The following CLTC variants were observed in gnomAD, a reference collection of about 807,000 sequenced individuals.
CLTC encodes the protein clathrin heavy chain.
A neutral mutation model predicts 195.8 loss-of-function variants in CLTC; 16 were observed. The observed-to-expected ratio is 0.08, with a 90% CI of 0.06 to 0.12. The LOEUF (loss-of-function observed/expected upper bound fraction) is 0.12. CLTC is among the 10% of genes least tolerant of loss of function. The probability of loss-of-function intolerance (pLI) is 1.00; values close to 1 mark genes in which losing one functional copy is unlikely to be tolerated. For synonymous variants in CLTC, 667 were observed against 689.4 expected (o/e 0.97, Z 0.51); for missense variants, 796 against 2,027.0 (o/e 0.39, Z 11.66).
Position 59,682,816 on chromosome 17 carries a change from T to C in CLTC, c.3765+23T>C. ...GAGGTAATCTAAACCCAAGTTTGAG[T>C]GAAGAATTAAAGAAACGCTATTTAA... is the stretch of plus-strand genomic sequence containing the variant. On this transcript the variant is annotated intron_variant, in intron 23 of 31. Transcript: ENST00000269122. The surrounding 1 kb of genome is among the most constrained non-coding windows in gnomAD (Gnocchi z 6.8). 6.2e-7 allele frequency: 1 copy of C among 1,611,728 alleles called. No individual in the cohort carries two copies. The highest frequency in any genetic ancestry group is 8.5e-7 in the Non-Finnish European group (1 of 1,178,584).
Position 59,677,155 on chromosome 17 carries a change from T to C in CLTC, c.2763T>C (p.Tyr921=), listed in dbSNP as rs753155715. ...ATCCACATCTGGCCTGTGTTGCTTA[T>C]GAACGTGGCCAATGTGATCTGGAAC... is the stretch of plus-strand genomic sequence containing the variant. ...KRDPHLACVA[Y]ERGQCDLELI... The change falls in exon 17 of 32, where the codon TAT becomes TAC. Residue 921 remains tyrosine (Y), a synonymous_variant. Coordinates refer to ENST00000269122, the MANE Select transcript of CLTC (RefSeq NM_004859.4). 2.1e-5 allele frequency: 34 copies of C among 1,613,938 alleles called. No homozygotes were observed. The highest frequency in any genetic ancestry group is 2.7e-5 in the Non-Finnish European group (32 of 1,179,918).
At chr17:59,644,202 G>A (rs773405474) in intron 1 of CLTC, 74 bp from the exon 2 acceptor site, 16 of 1,139,290 alleles carry the variant, frequency 1.4e-5, no homozygotes, top group Non-Finnish European at 2.1e-5. Flanking sequence ...GTGAGGATTT[G>A]TGTTGATGAG....
chr17:59,661,622 G>A lies in CLTC; in HGVS notation c.1347G>A (p.Glu449=). The change falls in exon 8 of 32, where the codon GAG becomes GAA. Residue 449 remains glutamate, a synonymous_variant. Transcript: ENST00000269122. ...AGCAAGGGCGAAAACAGCTTTTGGAGAAATGGTTAAAAGAAGATAAGGTAC... is the reference window on the plus strand; with the variant it reads ...AGCAAGGGCGAAAACAGCTTTTGGAAAAATGGTTAAAAGAAGATAAGGTAC... ...VLQQGRKQLL[E]KWLKEDKLEC... The A allele has an allele frequency of 6.2e-7, 1 of 1,614,014 alleles. No homozygotes were observed. Among genetic ancestry groups the A allele is most frequent in the African/African-American group, 1.3e-5 (1 of 75,004 alleles).
chr17:59,631,868 G>C (rs2031727714), intron 1 of CLTC, among the ~76,000 whole-genome samples: 1 of 151,916 alleles, frequency 6.6e-6, no homozygotes, highest in East Asian at 1.9e-4. Flanking sequence ...TACTTGGGAG[G>C]CTGAGGTGGA....
chr17:59,681,715 G>T lies in CLTC; in HGVS notation c.3318G>T (p.Ala1106=), dbSNP rs141347684. 6.2e-7 allele frequency: 1 copy of T among 1,614,032 alleles called. No homozygotes were observed. Among genetic ancestry groups the T allele is most frequent in the East Asian group, 2.2e-5 (1 of 44,874 alleles). ...TTGCTGAACGTTGCAATGAACCTGC[G>T]GTCTGGAGTCAACTTGCAAAAGCCC... is the stretch of plus-strand genomic sequence containing the variant. The part of the protein sequence containing the change: ...YEFAERCNEP[A]VWSQLAKAQL... Residue 1106 remains alanine, a synonymous_variant, in exon 21 of 32, where the codon GCG becomes GCT. Transcript: ENST00000269122. This position sits in a 1 kb window ranked among gnomAD's most constrained non-coding sequence, Gnocchi z 5.0.
intron 1 of CLTC, 39 bp from the exon 2 acceptor site, chr17:59,644,237 A>T (rs1218605838): frequency 1.3e-6 from 2 of 1,555,838 alleles, no homozygotes; most frequent in South Asian, 2.3e-5. Context: ...AAGTCTTTGG[A>T]ATCCACTTGG....
rs1555605498 is a variant in CLTC at position 59,666,932 on chromosome 17, A to G, written c.2083A>G (p.Thr695Ala). 2.5e-6 allele frequency: 4 copies of G among 1,613,846 alleles called. No individual in the cohort carries two copies. Among genetic ancestry groups the G allele is most frequent in the Middle Eastern group, 1.6e-4 (1 of 6,062 alleles). ...VASKYHEQLS[T>A]QSLIELFESF... ...TTCTAAATATCATGAACAACTGTCA[A>G]CTCAGTCTCTGATTGAACTTTTTGA... is the stretch of plus-strand genomic sequence containing the variant. Residue 695 changes from threonine to alanine, a missense_variant, in exon 13 of 32, where the codon ACT (threonine) becomes GCT (alanine). By Grantham distance (58) the Thr-to-Ala change is moderately conservative (BLOSUM62 0). Coordinates refer to ENST00000269122, the MANE Select transcript of CLTC (RefSeq NM_004859.4). The surrounding 1 kb of genome is among the most constrained non-coding windows in gnomAD (Gnocchi z 4.9).
chr17:59,676,800 C>G (rs1159050839), intron 16 of CLTC, among the ~76,000 whole-genome samples, 154 bp from the exon 17 acceptor site: 1 of 152,130 alleles, frequency 6.6e-6, no homozygotes, highest in Non-Finnish European at 1.5e-5. Context: ...AGCCACTGCA[C>G]TTCAGCCTGG....
At chr17:59,678,204 T>C (rs1465735226) in intron 17 of CLTC, among the ~76,000 whole-genome samples, 1 of 152,244 alleles carries the variant, frequency 6.6e-6, no homozygotes, top group Non-Finnish European at 1.5e-5. Flanking sequence ...CTTGGTATTA[T>C]ATCCGGAAGC....
At chr17:59,638,754 T>C (rs2031944268) in intron 1 of CLTC, among the ~76,000 whole-genome samples, 1 of 152,196 alleles carries the variant, frequency 6.6e-6, no homozygotes, top group South Asian at 2.1e-4. Context: ...TGACTGCTCA[T>C]TGGCTGCTCA....
intron 1 of CLTC, among the ~76,000 whole-genome samples, chr17:59,628,808 G>A (rs568739514): frequency 1.3e-5 from 2 of 152,202 alleles, no homozygotes; most frequent in African/African-American, 4.8e-5. Flanking sequence ...ACAGGGGCCC[G>A]CCACCAGGCC....
rs941459605 is a variant in CLTC, at chr17:59,648,176, T to C, written c.520-64T>C. On this transcript the variant is annotated intron_variant, in intron 3 of 31. Coordinates refer to ENST00000269122, the MANE Select transcript of CLTC (RefSeq NM_004859.4). This position sits in a 1 kb window ranked among gnomAD's most constrained non-coding sequence, Gnocchi z 4.5. ...CAAAGCATTCTAATTATTTCATTAC[T>C]TGATGAATCTGAGAGTTTTTGATTT... 91 of 1,382,540 alleles carry C rather than the reference T, an allele frequency of 6.6e-5. 2 individuals carry two copies. In the East Asian group the frequency reaches 2.1e-3, roughly 32 times the overall value. 85.6% of individuals were successfully genotyped at this position (1,382,540 alleles called of 1,614,324 possible). A position where few individuals can be genotyped will look rare whatever the true frequency, so the allele number is the denominator to read the frequency against.
rs1436067255 is a variant in CLTC, at chr17:59,620,108, G to A, written c.-24G>A. On this transcript the variant is annotated 5_prime_UTR_variant, in exon 1 of 32. Coordinates refer to ENST00000269122, the MANE Select transcript of CLTC (RefSeq NM_004859.4). Reference sequence around the variant, plus strand: ...TGCCCCGCAGCCCCAGTGACAGGAGGAGACCATAACCCCCGACAGCGCCAT... The same window carrying A: ...TGCCCCGCAGCCCCAGTGACAGGAGAAGACCATAACCCCCGACAGCGCCAT... 4 of 1,613,904 alleles carry A rather than the reference G, an allele frequency of 2.5e-6. No homozygotes were observed. Among genetic ancestry groups the A allele is most frequent in the Non-Finnish European group, 3.4e-6 (4 of 1,179,914 alleles).
chr17:59,634,903 C>T (rs1567931641), intron 1 of CLTC, among the ~76,000 whole-genome samples: 2 of 152,160 alleles, frequency 1.3e-5, no homozygotes, highest in Admixed American at 1.3e-4. Context: ...TGACTGCTGT[C>T]AGCATCTTTT....
intron 18 of CLTC, among the ~76,000 whole-genome samples, chr17:59,680,068 A>G (rs1436846508): frequency 1.3e-5 from 2 of 152,092 alleles, no homozygotes; most frequent in East Asian, 1.9e-4. Context: ...AGAAAAAAGA[A>G]AAAGAAAATA....
intron 14 of CLTC, among the ~76,000 whole-genome samples, 200 bp from the exon 15 acceptor site, chr17:59,673,447 T>C (rs961102294): frequency 3.9e-5 from 6 of 152,182 alleles, no homozygotes; most frequent in African/African-American, 1.4e-4. Context: ...TATCTTGCTG[T>C]GTGAATCTAA....
chr17:59,651,387 AT>A, intron 5 of CLTC, 71 bp downstream of exon 5: 2 of 984,808 alleles, frequency 2.0e-6, no homozygotes, highest in Admixed American at 4.1e-5. Flanking sequence ...AAGACTATTC[AT>A]GGTAGATATA....
intron 1 of CLTC, among the ~76,000 whole-genome samples, chr17:59,629,789 G>A (rs2031658612): frequency 6.6e-6 from 1 of 151,982 alleles, no homozygotes; most frequent in African/African-American, 2.4e-5. Flanking sequence ...AAAGTGCTGG[G>A]ATTACAGGCA....
chr17:59,685,533 C>A lies in CLTC; in HGVS notation c.4606-54C>A. On this transcript the variant is annotated intron_variant, in intron 29 of 31. Coordinates refer to ENST00000269122, the MANE Select transcript of CLTC (RefSeq NM_004859.4). This position sits in a 1 kb window ranked among gnomAD's most constrained non-coding sequence, Gnocchi z 5.0. ...AGTTTCCATTGTTTTTCTTGGTTTA[C>A]TAGTTCAGTATGTGGGGTCTAATGT... The A allele has an allele frequency of 7.1e-7, 1 of 1,417,408 alleles. No individual in the cohort carries two copies. The allele number at this position is 1,417,408 out of a possible 1,614,324, so 87.8% of individuals were successfully genotyped here.
Sources: allele counts gnomAD v4.1 joint callset (sites outside exome capture counted in the v4.1 genomes callset), GRCh38; gene constraint gnomAD v4.1.1; non-coding constraint Gnocchi (gnomAD v3.1); transcripts MANE v1.5; gene names NCBI Gene and HGNC (gene_info 2026-07-23, HGNC 2026-07-21).